Variants in NFE2 observed in about 807,000 individuals in gnomAD.
NFE2 encodes nuclear factor, erythroid 2.
Under a neutral mutation model 25.8 loss-of-function variants are expected in NFE2, and 13 were observed. That is an observed-to-expected ratio of 0.50 (90% confidence interval 0.33 to 0.80). The LOEUF is 0.80. Ranked by LOEUF, NFE2 falls within the 30% of genes least tolerant of loss-of-function variation. NFE2 has a pLI of 0.02. For synonymous variants in NFE2, 204 were observed against 200.2 expected, an observed-to-expected ratio of 1.02 and a Z score of -0.16; for missense variants, 382 against 478.9, an observed-to-expected ratio of 0.80 and a Z score of 1.89.
At chr12:54,294,216 C>G (rs35373195) in intron 2 of NFE2, among the ~76,000 whole-genome samples, 1 of 149,258 alleles carries the variant, frequency 6.7e-6, no homozygotes, top group African/African-American at 2.5e-5. Context: ...CCAGCCTGGG[C>G]GCCAGAGCGA....
chr12:54,295,868 C>T (rs1467201362), intron 1 of NFE2: 1 of 153,800 alleles, frequency 6.5e-6, no homozygotes, highest in Non-Finnish European at 1.4e-5. Flanking sequence ...GCCCTCTCCT[C>T]CTATCCTGGC....
chr12:54,292,722 C>G lies in NFE2; in HGVS notation c.774G>C (p.Pro258=), dbSNP rs775647797. Residue 258 remains proline (P), a synonymous_variant, in exon 3 of 3, where the codon CCG becomes CCC. Transcript: ENST00000435572. ...CTAGCGCTAGCTGGCTCTCTGTCAG[C>G]GGGTACCTTGCCAATAGCTCATTAA... is the stretch of plus-strand genomic sequence containing the variant. ...DDFNELLARY[P]LTESQLALVR... is the part of the protein sequence containing the mutation. The G allele has an allele frequency of 6.2e-7, 1 of 1,614,218 alleles. No homozygotes were observed. The highest frequency in any genetic ancestry group is 1.1e-5 in the South Asian group (1 of 91,088).
intron 1 of NFE2, chr12:54,300,235 T>G (rs1944410993): frequency 6.6e-6 from 1 of 152,200 alleles, no homozygotes; most frequent in East Asian, 1.9e-4. Context: ...GGGGTTGGGA[T>G]GTCTTCCTTC....
At chr12:54,297,251 A>T (rs1187086493) in intron 1 of NFE2, among the ~76,000 whole-genome samples, 1 of 149,538 alleles carries the variant, frequency 6.7e-6, no homozygotes, top group African/African-American at 2.5e-5. Flanking sequence ...GCTACTCAGG[A>T]GGCTGAGGTG....
intron 1 of NFE2, among the ~76,000 whole-genome samples, chr12:54,299,313 T>C (rs1003245648): frequency 2.0e-4 from 31 of 152,214 alleles, no homozygotes; most frequent in African/African-American, 7.0e-4. Flanking sequence ...ATCAGGGAGA[T>C]AGATAGAATT....
Position 54,292,668 on chromosome 12 carries a change from G to A in NFE2, c.828C>T (p.Asn276=). The A allele has an allele frequency of 2.5e-6, 4 of 1,614,188 alleles. No individual in the cohort carries two copies. Among genetic ancestry groups the A allele is most frequent in the Non-Finnish European group, 3.4e-6 (4 of 1,180,032 alleles). The stretch of plus-strand genomic sequence containing the variant: ...TGCGGCAGTTCTGGGCTGCCACCTT[G>A]TTTTTGCCCCGTCGTCGGATGTCCC... ...LVRDIRRRGK[N]KVAAQNCRKR... is the part of the protein sequence containing the mutation. The change falls in exon 3 of 3, where the codon AAC becomes AAT. Residue 276 remains asparagine, a synonymous_variant. Coordinates refer to ENST00000435572, the MANE Select transcript of NFE2 (RefSeq NM_001136023.3).
At position 54,292,551 on chromosome 12, in the gene NFE2, T is replaced by G. The variant is rs749998942; in HGVS notation, c.945A>C (p.Ala315=). 4 of 1,614,186 alleles carry G rather than the reference T, an allele frequency of 2.5e-6. No homozygotes were observed. Among genetic ancestry groups the G allele is most frequent in the Non-Finnish European group, 3.4e-6 (4 of 1,180,026 alleles). ...RERLLRARGE[A]DRTLEVMRQQ... is the part of the protein sequence containing the mutation. ...GGCGCATGACCTCCAGGGTCCGGTC[T>G]GCCTCCCCGCGGGCCCTGAGAAGCC... The change falls in exon 3 of 3, where the codon GCA becomes GCC. Residue 315 remains alanine, a synonymous_variant. Coordinates refer to ENST00000435572, the MANE Select transcript of NFE2 (RefSeq NM_001136023.3).
chr12:54,294,312 A>G (rs1015157365), intron 2 of NFE2, among the ~76,000 whole-genome samples: 3 of 151,784 alleles, frequency 2.0e-5, no homozygotes, highest in African/African-American at 7.3e-5. Flanking sequence ...ATCCAAGATG[A>G]CCCCTCAGAA....
Position 54,293,244 on chromosome 12 carries a change from C to T in NFE2, c.252G>A (p.Glu84=). Residue 84 remains glutamate, a synonymous_variant, in exon 3 of 3, where the codon GAG becomes GAA. Transcript: ENST00000435572. ...SGFPLPPPPY[E]LPASTSHVPD... is the part of the protein sequence containing the mutation. ...GGACATGGGATGTGGATGCTGGGAG[C>T]TCATAAGGTGGTGGAGGAAGTGGGA... The T allele has an allele frequency of 2.5e-6, 4 of 1,611,178 alleles. No individual in the cohort carries two copies. The highest frequency in any genetic ancestry group is 3.4e-6 in the Non-Finnish European group (4 of 1,178,660).
At chr12:54,299,367 A>G (rs775917986) in intron 1 of NFE2, among the ~76,000 whole-genome samples, 2 of 152,208 alleles carry the variant, frequency 1.3e-5, no homozygotes, top group Admixed American at 6.5e-5. Context: ...CTGGGGAGAT[A>G]CTGGGAAAGT....
In NFE2 at chr12:54,292,645, C is replaced by T. The variant is rs1159406935; in HGVS notation, c.851G>A (p.Arg284His). The change falls in exon 3 of 3, where the codon CGC becomes CAC. Residue 284 changes from arginine to histidine, a missense_variant. Arg to His is a conservative substitution (Grantham distance 29). Coordinates refer to ENST00000435572, the MANE Select transcript of NFE2 (RefSeq NM_001136023.3). ...GKNKVAAQNCRKRKLETIVQL... is the reference protein window; with the variant it reads ...GKNKVAAQNCHKRKLETIVQL... ...CACAATGGTTTCCAGCTTCCTCTTG[C>T]GGCAGTTCTGGGCTGCCACCTTGTT... The T allele has an allele frequency of 1.9e-6, 3 of 1,614,224 alleles. No homozygotes were observed. The highest frequency in any genetic ancestry group is 2.5e-6 in the Non-Finnish European group (3 of 1,180,028).
chr12:54,298,953 A>G (rs991679432), intron 1 of NFE2, among the ~76,000 whole-genome samples: 3 of 151,784 alleles, frequency 2.0e-5, no homozygotes, highest in Non-Finnish European at 2.9e-5. Context: ...CAGGCGGTTG[A>G]GGCATGAGAA....
chr12:54,292,703 C>T lies in NFE2; in HGVS notation c.793G>A (p.Ala265Thr). The change falls in exon 3 of 3, where the codon GCG (alanine) becomes ACG (threonine). Residue 265 changes from alanine to threonine, a missense_variant. Physicochemically the swap from Ala to Thr is moderately conservative, Grantham distance 58 (BLOSUM62 0). Coordinates refer to ENST00000435572, the MANE Select transcript of NFE2 (RefSeq NM_001136023.3). ...CGTCGTCGGATGTCCCGGACTAGCG[C>T]TAGCTGGCTCTCTGTCAGCGGGTAC... ...ARYPLTESQL[A>T]LVRDIRRRGK... 1 of 1,614,250 alleles carries T rather than the reference C, an allele frequency of 6.2e-7. No homozygotes were observed. Among genetic ancestry groups the T allele is most frequent in the Non-Finnish European group, 8.5e-7 (1 of 1,180,050 alleles).
chr12:54,298,376 G>A (rs1944392690), intron 1 of NFE2, among the ~76,000 whole-genome samples: 2 of 151,740 alleles, frequency 1.3e-5, no homozygotes. Flanking sequence ...GCATGGTGGC[G>A]CATGCCTGTA....
rs1944418999 is a variant in NFE2 at position 54,300,905 on chromosome 12, C to T, written c.-161G>A. 6.5e-6 allele frequency: 1 copy of T among 152,770 alleles called. No homozygotes were observed. Among genetic ancestry groups the T allele is most frequent in the South Asian group, 2.1e-4 (1 of 4,842 alleles). The allele number at this position is 152,770 out of a possible 1,614,324, so 9.5% of individuals were successfully genotyped here. On this transcript the variant is annotated 5_prime_UTR_variant, in exon 1 of 3. Transcript: ENST00000435572. ...ACTGCTGGACGAGGATCCCGGCTAC[C>T]TTTGAGAATCTGCGAGGACCGCGCC...
Position 54,295,449 on chromosome 12 carries a change from A to G in NFE2, c.-56-145T>C, listed in dbSNP as rs1034434861. On this transcript the variant is annotated intron_variant, in intron 1 of 2. Coordinates refer to ENST00000435572, the MANE Select transcript of NFE2 (RefSeq NM_001136023.3). Reference sequence around the variant, plus strand: ...ATCCTCACTCATGCTGGATTCATCAATCCCTTAAGATGGAAAGTCTTTTCC... The same window carrying G: ...ATCCTCACTCATGCTGGATTCATCAGTCCCTTAAGATGGAAAGTCTTTTCC... The G allele has an allele frequency of 1.1e-5, 6 of 534,336 alleles. 1 individual carries two copies. Among genetic ancestry groups the G allele is most frequent in the East Asian group, 6.6e-5 (2 of 30,474 alleles). 33.1% of individuals were successfully genotyped at this position (534,336 alleles called of 1,614,324 possible).
At chr12:54,299,487 T>C (rs1944403164) in intron 1 of NFE2, among the ~76,000 whole-genome samples, 1 of 152,218 alleles carries the variant, frequency 6.6e-6, no homozygotes, top group Admixed American at 6.5e-5. Context: ...CTGGGTTGTC[T>C]GTTCCTTCTC....
At chr12:54,295,052 G>GC in intron 2 of NFE2, 83 bp downstream of exon 2, 1 of 1,106,696 alleles carries the variant, frequency 9.0e-7, no homozygotes, top group Non-Finnish European at 1.4e-6. Context: ...GCTTGCTCCT[G>GC]CCCTCTGCCT....
At chr12:54,300,189 A>C (rs1158517439) in intron 1 of NFE2, 1 of 152,192 alleles carries the variant, frequency 6.6e-6, no homozygotes, top group Non-Finnish European at 1.5e-5. Flanking sequence ...CCTATTTCCC[A>C]AGCAGCCAAG....
Sources: gnomAD v4.1 joint callset for allele counts (sites outside exome capture counted in the v4.1 genomes callset) on GRCh38, gnomAD v4.1.1 for gene constraint, MANE v1.5 for transcripts, NCBI Gene and HGNC (gene_info 2026-07-23, HGNC 2026-07-21) for gene names.